Variants in TBXAS1 observed in about 807,000 individuals in gnomAD.
TBXAS1 encodes thromboxane-A synthase.
A neutral mutation model predicts 60.7 loss-of-function variants in TBXAS1; 48 were observed. The observed-to-expected ratio is 0.79, with a 90% confidence interval of 0.63 to 1.01. The LOEUF is 1.01. Among genes scored for constraint, TBXAS1 ranks in the 50% least tolerant of loss-of-function variants. The pLI, the probability that TBXAS1 is intolerant of heterozygous loss-of-function variation, is 0.00. For synonymous variants in TBXAS1, 287 were observed against 269.7 expected (o/e 1.06, Z -0.63); for missense variants, 685 against 686.3 (o/e 1.00, Z 0.02).
At chr7:139,780,149 T>C (rs1420496445) in intron 1 of TBXAS1, among the ~76,000 whole-genome samples, 4 of 152,204 alleles carry the variant, frequency 2.6e-5, no homozygotes. Context: ...ATAGTAATGT[T>C]CTCCTTTTGC....
intron 3 of TBXAS1, among the ~76,000 whole-genome samples, chr7:139,900,244 G>C (rs1210629519): frequency 6.6e-6 from 1 of 152,142 alleles, no homozygotes; most frequent in African/African-American, 2.4e-5. Context: ...AGGATTTACA[G>C]TTCCAGTAAA....
chr7:139,823,231 T>C (rs1313839061), intron 4 of TBXAS1, among the ~76,000 whole-genome samples: 1 of 152,028 alleles, frequency 6.6e-6, no homozygotes, highest in East Asian at 1.9e-4. Flanking sequence ...ATCATAACTA[T>C]AAGACGGACG....
In TBXAS1 at chr7:139,975,813, A is replaced by G. The variant is rs1053133317; in HGVS notation, c.1134+13580A>G. On this transcript the variant is annotated intron_variant, in intron 9 of 12. Transcript: ENST00000448866. This position sits in a 1 kb window ranked among gnomAD's most constrained non-coding sequence, Gnocchi z 4.4. ...TGTGAATTATCTTTCTTCGTGGCCC[A>G]TGTGGCACAAGATGAAGAGTGCATG... is the stretch of plus-strand genomic sequence containing the variant. Among the ~76,000 whole-genome samples the G allele has an allele frequency of 3.3e-5, 5 of 152,154 alleles. No homozygotes were observed. Among genetic ancestry groups the G allele is most frequent in the Non-Finnish European group, 7.3e-5 (5 of 68,038 alleles).
intron 1 of TBXAS1, among the ~76,000 whole-genome samples, chr7:139,871,930 CA>C (rs778260884): frequency 1.3e-5 from 2 of 152,138 alleles, no homozygotes; most frequent in African/African-American, 2.4e-5. Flanking sequence ...ATTTTTAAAA[CA>C]ATCTATTAAG....
intron 12 of TBXAS1, 86 bp downstream of exon 12, chr7:140,017,919 G>C (rs1815226100): frequency 6.3e-7 from 1 of 1,581,890 alleles, no homozygotes; most frequent in Non-Finnish European, 8.7e-7. Flanking sequence ...GCCAGCCTGG[G>C]GGCAACATCA....
chr7:139,798,848 T>A (rs1394107121), intron 4 of TBXAS1, among the ~76,000 whole-genome samples: 1 of 152,198 alleles, frequency 6.6e-6, no homozygotes, highest in East Asian at 1.9e-4. Context: ...AAGATTGAAT[T>A]ACCCTCCATT....
At chr7:139,924,791 A>C (rs896571215) in intron 4 of TBXAS1, among the ~76,000 whole-genome samples, 1 of 152,054 alleles carries the variant, frequency 6.6e-6, no homozygotes, top group Admixed American at 6.6e-5. Flanking sequence ...TAGTTTGAGG[A>C]CTCAGATTTA....
intron 8 of TBXAS1, among the ~76,000 whole-genome samples, chr7:139,960,544 G>A (rs1032716076): frequency 3.3e-5 from 5 of 152,002 alleles, no homozygotes; most frequent in African/African-American, 1.2e-4. Flanking sequence ...TCAGGAGTTC[G>A]AGACCAGCCT....
At chr7:139,842,667 G>A (rs1799531735) in intron 1 of TBXAS1, among the ~76,000 whole-genome samples, 1 of 152,234 alleles carries the variant, frequency 6.6e-6, no homozygotes, top group Admixed American at 6.5e-5. Flanking sequence ...CTTCCTGGTG[G>A]ATAGGGTAGG....
chr7:139,931,937 A>G (rs1463116794), intron 4 of TBXAS1, among the ~76,000 whole-genome samples: 1 of 152,148 alleles, frequency 6.6e-6, no homozygotes. Context: ...CACTTTTGTA[A>G]GATGCGAAAA....
In TBXAS1 at chr7:139,873,388, A is replaced by G. The variant is rs555450140; in HGVS notation, c.183+1060A>G. ...ACAACACTCTGCAAGGGAGAAGAAC[A>G]TAGGTTAGAGCTGTAGAACCCAACT... On this transcript the variant is annotated intron_variant, in intron 2 of 12. Transcript: ENST00000448866. 3.1e-3 allele frequency among the ~76,000 whole-genome samples: 465 copies of G among 152,340 alleles called. 2 individuals are homozygous for G. Among genetic ancestry groups the G allele is most frequent in the Non-Finnish European group, 2.9e-3 (198 of 68,030 alleles).
chr7:139,996,098 A>G (rs879340240), intron 9 of TBXAS1, among the ~76,000 whole-genome samples: 4 of 151,256 alleles, frequency 2.6e-5, no homozygotes, highest in Non-Finnish European at 5.9e-5. Flanking sequence ...CCTCCCGAGT[A>G]GCTGGGATTA....
At position 139,896,554 on chromosome 7, in the gene TBXAS1, A is replaced by T. The variant is rs1252877545; in HGVS notation, c.237-14671A>T. ...GGTATTTTACACATTCGTGACAAAT[A>T]CAGCAACATCTGTCAGGCACTGTAG... On this transcript the variant is annotated intron_variant, in intron 3 of 12. Coordinates refer to ENST00000448866, the MANE Select transcript of TBXAS1 (RefSeq NM_001061.7). The surrounding 1 kb of genome is among the most constrained non-coding windows in gnomAD (Gnocchi z 4.0). Among the ~76,000 whole-genome samples, 1 of 152,226 alleles carries T rather than the reference A, an allele frequency of 6.6e-6. No individual in the cohort carries two copies. Among genetic ancestry groups the T allele is most frequent in the Non-Finnish European group, 1.5e-5 (1 of 68,036 alleles).
chr7:139,911,428 T>C (rs538658936), intron 4 of TBXAS1, 107 bp downstream of exon 4: 8 of 1,031,684 alleles, frequency 7.8e-6, no homozygotes, highest in South Asian at 5.1e-5. Flanking sequence ...ATCAGGTTTA[T>C]GTCAGTTCCA....
intron 1 of TBXAS1, among the ~76,000 whole-genome samples, chr7:139,837,362 G>A (rs1226237652): frequency 4.6e-5 from 7 of 152,196 alleles, no homozygotes; most frequent in African/African-American, 1.7e-4. Flanking sequence ...ACTTGAATAT[G>A]CATGTTCATA....
chr7:140,009,811 G>C (rs1476383832), intron 10 of TBXAS1, among the ~76,000 whole-genome samples: 12 of 83,886 alleles, frequency 1.4e-4, no homozygotes, highest in African/African-American at 5.9e-4. Context: ...CTCCATGCTG[G>C]CCCCATACCT....
chr7:139,956,092 G>A (rs1355713603), intron 7 of TBXAS1, among the ~76,000 whole-genome samples: 1 of 152,142 alleles, frequency 6.6e-6, no homozygotes. Context: ...TGTGGTGGAT[G>A]AGGATTAGGT....
At chr7:139,878,706 T>C (rs1369126499) in intron 3 of TBXAS1, among the ~76,000 whole-genome samples, 2 of 152,278 alleles carry the variant, frequency 1.3e-5, no homozygotes, top group African/African-American at 4.8e-5. Flanking sequence ...GAATGGACTA[T>C]GCTCAATGAA....
At chr7:140,012,462 CTTTTT>C (rs879886189) in intron 10 of TBXAS1, among the ~76,000 whole-genome samples, 11 of 143,666 alleles carry the variant, frequency 7.7e-5, no homozygotes, top group African/African-American at 1.3e-4. Context: ...GTAACCAGAA[CTTTTT>C]TTTTTTTTTT....
Sources: gnomAD v4.1 joint callset for allele counts (sites outside exome capture counted in the v4.1 genomes callset) on GRCh38, gnomAD v4.1.1 for gene constraint, Gnocchi (gnomAD v3.1) non-coding constraint, MANE v1.5 for transcripts, NCBI Gene and HGNC (gene_info 2026-07-23, HGNC 2026-07-21) for gene names.